ARHGEF10L: variants seen among roughly 807,000 people sequenced by gnomAD.
The protein encoded by ARHGEF10L is rho guanine nucleotide exchange factor 10-like protein.
ARHGEF10L carries 69 observed loss-of-function variants against 141.2 expected under a neutral mutation model. That is an observed-to-expected ratio of 0.49 (90% confidence interval 0.40 to 0.60). The LOEUF (loss-of-function observed/expected upper bound fraction) is 0.60, where lower values mean the gene tolerates loss of function less well. Among genes scored for constraint, ARHGEF10L ranks in the 20% least tolerant of loss-of-function variants. ARHGEF10L has a pLI of 0.00. For missense variants in ARHGEF10L, 1,482 were observed against 1,734.3 expected (o/e 0.85, Z 2.58); for synonymous variants, 711 against 718.5 (o/e 0.99, Z 0.17).
chr1:17,567,433 C>T (rs2077804731), intron 1 of ARHGEF10L, among the ~76,000 whole-genome samples: 1 of 152,184 alleles, frequency 6.6e-6, no homozygotes, highest in Non-Finnish European at 1.5e-5. Context: ...ATGGCGCGAT[C>T]TCGGCTCACT....
intron 14 of ARHGEF10L, among the ~76,000 whole-genome samples, chr1:17,626,628 T>C (rs2101590715): frequency 6.6e-6 from 1 of 152,300 alleles, no homozygotes; most frequent in South Asian, 2.1e-4. Context: ...TGATCAGTGA[T>C]TGATCTATAA....
At chr1:17,553,290 C>G (rs1167657200) in intron 1 of ARHGEF10L, among the ~76,000 whole-genome samples, 4 of 152,190 alleles carry the variant, frequency 2.6e-5, no homozygotes, top group African/African-American at 9.7e-5. Context: ...CCTCAGTTTC[C>G]TCTTCTGTGA....
At chr1:17,548,756 C>A (rs1326764371) in intron 1 of ARHGEF10L, among the ~76,000 whole-genome samples, 1 of 141,676 alleles carries the variant, frequency 7.1e-6, no homozygotes, top group African/African-American at 2.7e-5. Context: ...TCAAGCAATT[C>A]TCCAGCCTCA....
At chr1:17,548,989 A>T (rs1354194718) in intron 1 of ARHGEF10L, among the ~76,000 whole-genome samples, 1 of 151,202 alleles carries the variant, frequency 6.6e-6, no homozygotes, top group African/African-American at 2.4e-5. Flanking sequence ...TACAACAGTG[A>T]GTAAGCTGAC....
intron 6 of ARHGEF10L, among the ~76,000 whole-genome samples, chr1:17,604,098 C>T (rs2100977937): frequency 6.6e-6 from 1 of 152,130 alleles, no homozygotes; most frequent in East Asian, 1.9e-4. Flanking sequence ...TGTTCATTGG[C>T]AATTAACAGG....
At chr1:17,530,349 G>A in the ARHGEF10L span, among the ~76,000 whole-genome samples, 2 of 152,116 alleles carry the variant, frequency 1.3e-5, no homozygotes, top group Non-Finnish European at 2.9e-5. Flanking sequence ...TGGGACAATG[G>A]GTAAGACATT....
chr1:17,531,466 A>G, the ARHGEF10L span, among the ~76,000 whole-genome samples: 1 of 152,200 alleles, frequency 6.6e-6, no homozygotes, highest in East Asian at 1.9e-4. Flanking sequence ...GTCTGGGGGA[A>G]GGAGCATGAA....
chr1:17,570,344 T>C (rs115325243), intron 1 of ARHGEF10L, among the ~76,000 whole-genome samples: 2,650 of 152,318 alleles, frequency 0.017, 87 homozygotes, highest in African/African-American at 0.061. Flanking sequence ...AGAAGGCCTC[T>C]GATACAGCGA....
intron 1 of ARHGEF10L, among the ~76,000 whole-genome samples, chr1:17,543,121 T>C (rs1423747838): frequency 1.3e-5 from 2 of 152,184 alleles, no homozygotes; most frequent in Non-Finnish European, 2.9e-5. Flanking sequence ...CAGAGCCATT[T>C]TCATTCAGGA....
intron 1 of ARHGEF10L, among the ~76,000 whole-genome samples, chr1:17,541,803 A>T (rs1188315791): frequency 6.6e-6 from 1 of 152,016 alleles, no homozygotes; most frequent in Non-Finnish European, 1.5e-5. Context: ...CCCCATCTCT[A>T]CTAAAAATAT....
the ARHGEF10L span, among the ~76,000 whole-genome samples, chr1:17,514,812 C>T: frequency 6.6e-6 from 1 of 152,306 alleles, no homozygotes; most frequent in African/African-American, 2.4e-5. Flanking sequence ...CCACATTGAC[C>T]TGGCCTGGGG....
intron 7 of ARHGEF10L, among the ~76,000 whole-genome samples, chr1:17,610,614 C>T (rs2059498786): frequency 6.6e-6 from 1 of 152,208 alleles, no homozygotes; most frequent in South Asian, 2.1e-4. Flanking sequence ...TGGGGCGCAC[C>T]TGCTCACCCG....
chr1:17,663,975 T>A (rs946025575), intron 25 of ARHGEF10L, among the ~76,000 whole-genome samples: 15 of 152,206 alleles, frequency 9.9e-5, no homozygotes, highest in Non-Finnish European at 1.5e-4. Flanking sequence ...AAGGCCCTTG[T>A]GCACACCTGC....
intron 4 of ARHGEF10L, among the ~76,000 whole-genome samples, chr1:17,593,768 C>T (rs1354949186): frequency 6.6e-6 from 1 of 151,968 alleles, no homozygotes; most frequent in Non-Finnish European, 1.5e-5. Flanking sequence ...TCACTAAGTT[C>T]GTGGTCATCT....
intron 1 of ARHGEF10L, among the ~76,000 whole-genome samples, chr1:17,571,058 T>A (rs192073022): frequency 6.6e-6 from 1 of 152,164 alleles, no homozygotes; most frequent in Non-Finnish European, 1.5e-5. Flanking sequence ...GGGCAGAGCC[T>A]GGAGTTCAAG....
chr1:17,543,325 G>A (rs2076798179), intron 1 of ARHGEF10L, among the ~76,000 whole-genome samples: 1 of 152,218 alleles, frequency 6.6e-6, no homozygotes, highest in African/African-American at 2.4e-5. Flanking sequence ...GCTCATGCGT[G>A]TAATCCCAGC....
At chr1:17,612,976 C>T in intron 7 of ARHGEF10L, 82 bp from the exon 8 acceptor site, 1 of 946,776 alleles carries the variant, frequency 1.1e-6, no homozygotes, top group Admixed American at 1.8e-5. Context: ...CCTTTCTCCC[C>T]TGTTGTCTGT....
intron 1 of ARHGEF10L, among the ~76,000 whole-genome samples, chr1:17,579,884 G>A (rs556662097): frequency 6.6e-6 from 1 of 152,390 alleles, no homozygotes; most frequent in East Asian, 1.9e-4. Context: ...AGCTCCCACT[G>A]TGAGGGGAGG....
At chr1:17,571,611 G>A (rs576153061) in intron 1 of ARHGEF10L, among the ~76,000 whole-genome samples, 2 of 152,234 alleles carry the variant, frequency 1.3e-5, no homozygotes, top group Admixed American at 1.3e-4. Context: ...TTGGCTCACT[G>A]CAACCTCTGC....
Sources: gnomAD v4.1 joint callset for allele counts (sites outside exome capture counted in the v4.1 genomes callset) on GRCh38, gnomAD v4.1.1 for gene constraint, MANE v1.5 for transcripts, NCBI Gene and HGNC (gene_info 2026-07-23, HGNC 2026-07-21) for gene names.